Variants in BAZ2B observed in about 807,000 individuals in gnomAD.
BAZ2B encodes the protein bromodomain adjacent to zinc finger domain protein 2B.
In BAZ2B, 91 loss-of-function variants were observed where a neutral mutation model predicts 246.0. That is an observed-to-expected ratio of 0.37 (90% CI 0.31 to 0.44). BAZ2B has a LOEUF of 0.44. Ranked by LOEUF, BAZ2B falls within the 20% of genes least tolerant of loss-of-function variation. The pLI is 1.00. For missense variants in BAZ2B, 2,332 were observed against 2,533.7 expected (o/e 0.92, Z 1.71); for synonymous variants, 855 against 860.0 (o/e 0.99, Z 0.10).
At chr2:159,639,929 A>G in the BAZ2B span, among the ~76,000 whole-genome samples, 2 of 152,120 alleles carry the variant, frequency 1.3e-5, no homozygotes, top group Non-Finnish European at 2.9e-5. Flanking sequence ...TAAAAAAAAT[A>G]AGATCCAGTG....
In BAZ2B at chr2:159,349,156, C is replaced by T; in HGVS notation, c.4988G>A (p.Gly1663Glu). Reference protein sequence around the residue: ...SLGSGLGLSEGNGNSFLTSNV... With the variant: ...SLGSGLGLSEENGNSFLTSNV... Reference sequence around the variant, plus strand: ...GGAAGTCAAGAATGAATTACCATTTCCTTCTGATAACCCTAACCCCGATCC... The same window carrying T: ...GGAAGTCAAGAATGAATTACCATTTTCTTCTGATAACCCTAACCCCGATCC... The change falls in exon 29 of 37, where the codon GGA becomes GAA. Residue 1663 changes from glycine to glutamate, a missense_variant. This residue lies in a region of BAZ2B where 676 missense variants were observed against 668.6 expected (regional missense o/e 1.01). Transcript: ENST00000392783. The T allele has an allele frequency of 6.2e-7, 1 of 1,614,072 alleles. No individual in the cohort carries two copies. Among genetic ancestry groups the T allele is most frequent in the Non-Finnish European group, 8.5e-7 (1 of 1,179,984 alleles).
At chr2:159,344,825 G>C (rs1231838957) in intron 31 of BAZ2B, among the ~76,000 whole-genome samples, 3 of 152,030 alleles carry the variant, frequency 2.0e-5, no homozygotes, top group Non-Finnish European at 4.4e-5. Context: ...AAAAAAAACT[G>C]ATCTCATAGA....
At chr2:159,598,087 G>A (rs887068707) in intron 1 of BAZ2B, among the ~76,000 whole-genome samples, 1 of 149,710 alleles carries the variant, frequency 6.7e-6, no homozygotes, top group East Asian at 2.0e-4. Flanking sequence ...TCTGCCTCCC[G>A]GGCTCAAGCG....
intron 2 of BAZ2B, among the ~76,000 whole-genome samples, chr2:159,549,586 C>CT (rs2087851554): frequency 6.6e-6 from 1 of 152,030 alleles, no homozygotes; most frequent in Non-Finnish European, 1.5e-5. Context: ...GTAACACGAA[C>CT]GATAGCTGAT....
chr2:159,439,204 C>T lies in BAZ2B; in HGVS notation c.705G>A (p.Arg235=). The change falls in exon 7 of 37, where the codon AGG becomes AGA. Residue 235 remains arginine (R), a synonymous_variant. Transcript: ENST00000392783. ...TGCTAGAACTTTCCATTGCTTTCTT[C>T]CTTGGTTTCTGGATAACGACAAGGT... ...RVDKIKDKKP[R]KKAMESSSNS... 1 of 1,612,722 alleles carries T rather than the reference C, an allele frequency of 6.2e-7. No homozygotes were observed.
At chr2:159,452,411 G>A (rs1483701438) in intron 4 of BAZ2B, among the ~76,000 whole-genome samples, 1 of 152,160 alleles carries the variant, frequency 6.6e-6, no homozygotes, top group Non-Finnish European at 1.5e-5. Context: ...AACCCTGTAA[G>A]TCAGATACTA....
the BAZ2B span, among the ~76,000 whole-genome samples, chr2:159,657,764 T>C: frequency 6.6e-6 from 1 of 152,226 alleles, no homozygotes; most frequent in Non-Finnish European, 1.5e-5. Flanking sequence ...AAATTGCTCA[T>C]TGCTGGAATA....
At chr2:159,365,025 G>T (rs1342744102) in intron 27 of BAZ2B, among the ~76,000 whole-genome samples, 1 of 151,986 alleles carries the variant, frequency 6.6e-6, no homozygotes, top group Non-Finnish European at 1.5e-5. Context: ...GCTAATGAAT[G>T]GTATACACCT....
intron 13 of BAZ2B, among the ~76,000 whole-genome samples, chr2:159,414,443 C>T (rs1039507217): frequency 8.5e-5 from 13 of 152,096 alleles, no homozygotes; most frequent in Middle Eastern, 3.4e-3. Flanking sequence ...GTTTGTAACA[C>T]AAAGAAAGGA....
At chr2:159,609,137 T>A (rs1327354539) in intron 1 of BAZ2B, among the ~76,000 whole-genome samples, 1 of 152,202 alleles carries the variant, frequency 6.6e-6, no homozygotes, top group Non-Finnish European at 1.5e-5. Context: ...CACAAAGGTG[T>A]TCTCCTCTTT....
chr2:159,695,927 C>G, the BAZ2B span, among the ~76,000 whole-genome samples: 1 of 151,476 alleles, frequency 6.6e-6, no homozygotes, highest in Non-Finnish European at 1.5e-5. Context: ...TGGCTGAGTC[C>G]TTTTGTTTGT....
At chr2:159,552,343 AGTAAG>A (rs1324221500) in intron 2 of BAZ2B, among the ~76,000 whole-genome samples, 16 of 152,232 alleles carry the variant, frequency 1.1e-4, no homozygotes, top group African/African-American at 3.9e-4. Context: ...ACAATTTGTA[AGTAAG>A]GTAAATTTGA....
At chr2:159,573,032 G>A (rs1684405282) in intron 1 of BAZ2B, among the ~76,000 whole-genome samples, 1 of 152,064 alleles carries the variant, frequency 6.6e-6, no homozygotes, top group East Asian at 1.9e-4. Context: ...TCAAAAAGAG[G>A]ACCAGAAAGT....
rs565303209 is a variant in BAZ2B, at chr2:159,542,460, ATGTACAAGGAATCTTCAATAAG to A, written c.-3+13341_-3+13362del. On this transcript the variant is annotated intron_variant, in intron 2 of 36. Coordinates refer to ENST00000392783, the MANE Select transcript of BAZ2B (RefSeq NM_013450.4). Reference sequence around the variant, plus strand: ...GAGAAAGGCAACTTGTTATGTTCTTATGTACAAGGAATCTTCAATAAGATTAATAAGCCAGGTGTGCCGGTAC... The same window carrying A: ...GAGAAAGGCAACTTGTTATGTTCTTAATTAATAAGCCAGGTGTGCCGGTAC... 1.4e-4 allele frequency among the ~76,000 whole-genome samples: 21 copies of A among 152,248 alleles called. No individual in the cohort carries two copies. In the East Asian group the frequency reaches 2.5e-3, roughly 18 times the overall value.
At chr2:159,561,964 A>T (rs2089922058) in intron 1 of BAZ2B, among the ~76,000 whole-genome samples, 1 of 152,198 alleles carries the variant, frequency 6.6e-6, no homozygotes, top group Non-Finnish European at 1.5e-5. Context: ...ACCTCTTCAG[A>T]TTGCATCATT....
chr2:159,407,040 C>A (rs1243049474), intron 14 of BAZ2B, among the ~76,000 whole-genome samples: 1 of 151,932 alleles, frequency 6.6e-6, no homozygotes, highest in African/African-American at 2.4e-5. Context: ...AGGCGTGAGC[C>A]AGCGTGCCCG....
At position 159,519,208 on chromosome 2, in the gene BAZ2B, T is replaced by A. The variant is rs186789167; in HGVS notation, c.-3+36615A>T. 4.3e-3 allele frequency among the ~76,000 whole-genome samples: 477 copies of A among 110,494 alleles called. 5 individuals are homozygous for A. The highest frequency in any genetic ancestry group is 0.015 in the African/African-American group (449 of 30,686). The allele number at this position is 110,494 out of a possible 152,430, so 72.5% of individuals were successfully genotyped here. A position where few individuals can be genotyped will look rare whatever the true frequency, so the allele number is the denominator to read the frequency against. On this transcript the variant is annotated intron_variant, in intron 2 of 36. Coordinates refer to ENST00000392783, the MANE Select transcript of BAZ2B (RefSeq NM_013450.4). ...TCAAATTCCAACTTCATATTCTATT[T>A]TCTTTTTTTTTTTTTTTTTTTTTTT...
At chr2:159,352,709 TTC>T (rs2058690434) in intron 27 of BAZ2B, among the ~76,000 whole-genome samples, 1 of 152,186 alleles carries the variant, frequency 6.6e-6, no homozygotes, top group Non-Finnish European at 1.5e-5. Flanking sequence ...AGTCTCAAAC[TTC>T]TGAGCTCAAG....
chr2:159,443,249 T>A (rs992689357), intron 6 of BAZ2B, among the ~76,000 whole-genome samples: 3 of 152,212 alleles, frequency 2.0e-5, no homozygotes, highest in Admixed American at 6.5e-5. Context: ...ATAAAACTCA[T>A]TCAACCTTGA....
Sources: allele counts gnomAD v4.1 joint callset (sites outside exome capture counted in the v4.1 genomes callset), GRCh38; gene constraint gnomAD v4.1.1; regional missense constraint gnomAD v4.1.1; transcripts MANE v1.5; gene names NCBI Gene and HGNC (gene_info 2026-07-23, HGNC 2026-07-21).